The following CCDC122 variants were observed in gnomAD, a reference collection of about 807,000 sequenced individuals.
CCDC122 encodes coiled-coil domain containing 122, also known as coiled-coil domain-containing protein 122.
A neutral mutation model predicts 37.0 loss-of-function variants in CCDC122; 38 were observed. That is an observed-to-expected ratio of 1.03 (90% CI 0.79 to 1.35). CCDC122 has a LOEUF of 1.35. CCDC122 is among the 40% of genes most tolerant of loss of function. The probability of loss-of-function intolerance (pLI) is 0.00; values close to 1 mark genes in which losing one functional copy is unlikely to be tolerated. For synonymous variants in CCDC122, 83 were observed against 95.6 expected, an observed-to-expected ratio of 0.87 and a Z score of 0.77; for missense variants, 305 against 310.0, an observed-to-expected ratio of 0.98 and a Z score of 0.12.
chr13:43,840,968 C>A (rs1269806477), intron 6 of CCDC122, among the ~76,000 whole-genome samples: 1 of 152,170 alleles, frequency 6.6e-6, no homozygotes, highest in Admixed American at 6.5e-5. Flanking sequence ...CAATGACTTC[C>A]ACAATGGTTT....
rs1242823402 is a variant in CCDC122 at position 43,836,696 on chromosome 13, A to G, written c.*584T>C. On this transcript the variant is annotated 3_prime_UTR_variant, in exon 7 of 7. Coordinates refer to ENST00000444614, the MANE Select transcript of CCDC122 (RefSeq NM_144974.5). ...AAACCCCGTCTCTACTAAAAATACA[A>G]AAAATTAGCCGGGCGCGGTGGCGGG... 1.3e-5 allele frequency: 2 copies of G among 150,598 alleles called. No homozygotes were observed. Among genetic ancestry groups the G allele is most frequent in the Admixed American group, 6.6e-5 (1 of 15,144 alleles). 9.3% of individuals were successfully genotyped at this position (150,598 alleles called of 1,614,324 possible).
chr13:43,865,957 C>A (rs1277244903), intron 4 of CCDC122, among the ~76,000 whole-genome samples: 1 of 152,042 alleles, frequency 6.6e-6, no homozygotes, highest in African/African-American at 2.4e-5. Context: ...TACTTTGGGG[C>A]CATTAAGTAA....
At chr13:43,834,517 C>T (rs1249608608), downstream of CCDC122, among the ~76,000 whole-genome samples, 2 of 152,142 alleles carry the variant, frequency 1.3e-5, no homozygotes, top group Non-Finnish European at 2.9e-5. Context: ...TCAGAGTGAA[C>T]AGGCAACCTA....
Position 43,860,090 on chromosome 13 carries a change from T to A in CCDC122, c.157-20A>T. 1 of 1,274,342 alleles carries A rather than the reference T, an allele frequency of 7.8e-7. No individual in the cohort carries two copies. The highest frequency in any genetic ancestry group is 1.0e-6 in the Non-Finnish European group (1 of 964,436). 78.9% of individuals were successfully genotyped at this position (1,274,342 alleles called of 1,614,324 possible). ...TTCATTCTGTAATACATTTTAACAT[T>A]ATCATTATTAATTCAAAATATTAAA... is the stretch of plus-strand genomic sequence containing the variant. On this transcript the variant is annotated intron_variant, in intron 4 of 6. Coordinates refer to ENST00000444614, the MANE Select transcript of CCDC122 (RefSeq NM_144974.5).
intron 3 of CCDC122, among the ~76,000 whole-genome samples, chr13:43,830,853 G>C (rs1953082688): frequency 6.6e-6 from 1 of 152,178 alleles, no homozygotes; most frequent in South Asian, 2.1e-4. Flanking sequence ...ACTTATGGCT[G>C]TGTAGGGACT....
chr13:43,877,684 C>G (rs4942254), intron 1 of CCDC122: 1 of 151,546 alleles, frequency 6.6e-6, no homozygotes, highest in African/African-American at 2.4e-5. Context: ...AGTAGAGGAA[C>G]TGCAAATGTA....
At chr13:43,859,639 GA>G in intron 5 of CCDC122, 32 bp downstream of exon 5, 1 of 1,440,978 alleles carries the variant, frequency 6.9e-7, no homozygotes. Flanking sequence ...AGGAGTAATA[GA>G]AAAAATAGTT....
chr13:43,850,978 T>C (rs1347451836), intron 6 of CCDC122, among the ~76,000 whole-genome samples: 4 of 152,110 alleles, frequency 2.6e-5, no homozygotes, highest in African/African-American at 7.2e-5. Context: ...CTTACATATA[T>C]AGGAAAACCA....
At chr13:43,842,392 T>G (rs548603349) in intron 6 of CCDC122, among the ~76,000 whole-genome samples, 1 of 152,220 alleles carries the variant, frequency 6.6e-6, no homozygotes, top group African/African-American at 2.4e-5. Context: ...CATTGGTCTA[T>G]TTATTCTTTT....
At chr13:43,820,553 T>C (rs976806071), downstream of CCDC122, among the ~76,000 whole-genome samples, 1 of 152,180 alleles carries the variant, frequency 6.6e-6, no homozygotes, top group Non-Finnish European at 1.5e-5. Context: ...ATCAAATATA[T>C]AAAAATCTAC....
downstream of CCDC122, among the ~76,000 whole-genome samples, chr13:43,823,632 G>A (rs1953012410): frequency 6.6e-6 from 1 of 152,218 alleles, no homozygotes; most frequent in African/African-American, 2.4e-5. Context: ...CCATCACTGG[G>A]ATGGGTGAAT....
downstream of CCDC122, among the ~76,000 whole-genome samples, chr13:43,819,209 G>C (rs1297823593): frequency 6.6e-6 from 1 of 152,144 alleles, no homozygotes; most frequent in Non-Finnish European, 1.5e-5. Flanking sequence ...CTTTGGAGAA[G>C]CAAACAGTCT....
chr13:43,829,654 T>C (rs1953070272), intron 3 of CCDC122, among the ~76,000 whole-genome samples: 1 of 151,998 alleles, frequency 6.6e-6, no homozygotes. Flanking sequence ...ACCAAGATGA[T>C]TATAGAAGGA....
Position 43,859,788 on chromosome 13 carries a change from A to T in CCDC122, c.439T>A (p.Ser147Thr), listed in dbSNP as rs1333022125. ...NSLGEVESKW[S>T]FMTELHEKRD... ...TTTTCATGGAGTTCAGTCATAAATG[A>T]CCATTTGCTCTCTACTTCCCCCAAA... The change falls in exon 5 of 7, where the codon TCA becomes ACA. Residue 147 changes from serine (S) to threonine (T), a missense_variant. By Grantham distance (58) the Ser-to-Thr change is moderately conservative. Coordinates refer to ENST00000444614, the MANE Select transcript of CCDC122 (RefSeq NM_144974.5). 1 of 1,609,288 alleles carries T rather than the reference A, an allele frequency of 6.2e-7. No individual in the cohort carries two copies. Among genetic ancestry groups the T allele is most frequent in the Non-Finnish European group, 8.5e-7 (1 of 1,178,454 alleles).
intron 6 of CCDC122, chr13:43,854,393 C>T (rs1428226922): frequency 6.6e-6 from 1 of 152,112 alleles, no homozygotes; most frequent in African/African-American, 2.4e-5. Context: ...GGATAAATTC[C>T]TGGAGACATA....
chr13:43,823,959 C>T (rs1008868433), exon 4 of CCDC122: 6 of 152,222 alleles, frequency 3.9e-5, no homozygotes, highest in Non-Finnish European at 7.3e-5. Flanking sequence ...GAATTTGATG[C>T]TCCTGCTTGG....
At chr13:43,857,840 C>T (rs966453171) in intron 6 of CCDC122, among the ~76,000 whole-genome samples, 4 of 152,110 alleles carry the variant, frequency 2.6e-5, no homozygotes, top group East Asian at 1.9e-4. Flanking sequence ...GAGGCCGAGG[C>T]GGCAGTGAGC....
At chr13:43,860,166 C>A in intron 4 of CCDC122, 96 bp from the exon 5 acceptor site, 1 of 558,842 alleles carries the variant, frequency 1.8e-6, no homozygotes, top group Non-Finnish European at 2.8e-6. Flanking sequence ...GGAAAAATCA[C>A]TTATAAGAAT....
chr13:43,857,384 T>G (rs1228544809), intron 6 of CCDC122, among the ~76,000 whole-genome samples: 1 of 152,152 alleles, frequency 6.6e-6, no homozygotes, highest in African/African-American at 2.4e-5. Flanking sequence ...TTTTCTCTTT[T>G]AAAATAAATG....
Sources: gnomAD v4.1 joint callset for allele counts (sites outside exome capture counted in the v4.1 genomes callset) on GRCh38, gnomAD v4.1.1 for gene constraint, MANE v1.5 for transcripts, NCBI Gene and HGNC (gene_info 2026-07-23, HGNC 2026-07-21) for gene names.